Variants in KCNC2 observed in about 807,000 individuals in gnomAD.
KCNC2 encodes the protein voltage-gated potassium channel KCNC2.
Under a neutral mutation model 44.5 loss-of-function variants are expected in KCNC2, and 21 were observed. That is an observed-to-expected ratio of 0.47 (90% confidence interval 0.33 to 0.68). KCNC2 has a LOEUF of 0.68. Among genes scored for constraint, KCNC2 ranks in the 30% least tolerant of loss-of-function variants. KCNC2 has a pLI of 0.01. For missense variants in KCNC2, 589 were observed against 826.2 expected (o/e 0.71, Z 3.52); for synonymous variants, 391 against 339.1 (o/e 1.15, Z -1.68).
At chr12:75,152,554 G>A (rs1326958811) in intron 2 of KCNC2, among the ~76,000 whole-genome samples, 1 of 151,744 alleles carries the variant, frequency 6.6e-6, no homozygotes, top group Non-Finnish European at 1.5e-5. Flanking sequence ...ATCCTTCAAG[G>A]CAAAGAAAAA....
chr12:75,077,853 G>A (rs1306197484), intron 2 of KCNC2, among the ~76,000 whole-genome samples: 1 of 151,998 alleles, frequency 6.6e-6, no homozygotes, highest in Admixed American at 6.6e-5. Context: ...AAGAGGAAGA[G>A]AAAGTTTAGA....
intron 2 of KCNC2, among the ~76,000 whole-genome samples, chr12:75,123,212 TA>T (rs1888164883): frequency 6.6e-6 from 1 of 152,080 alleles, no homozygotes; most frequent in Non-Finnish European, 1.5e-5. Flanking sequence ...CATGAAAAAA[TA>T]ATTGTTTTCA....
chr12:75,199,989 C>CT (rs1470866453), intron 2 of KCNC2, among the ~76,000 whole-genome samples: 3 of 151,600 alleles, frequency 2.0e-5, no homozygotes, highest in Non-Finnish European at 4.4e-5. Flanking sequence ...ATTTTTAAGG[C>CT]TTTTTAGGAA....
intron 2 of KCNC2, among the ~76,000 whole-genome samples, chr12:75,140,742 T>C (rs1439857298): frequency 6.6e-6 from 1 of 152,086 alleles, no homozygotes; most frequent in Non-Finnish European, 1.5e-5. Flanking sequence ...TAGACTTCAG[T>C]GAATTAAAGA....
intron 2 of KCNC2, among the ~76,000 whole-genome samples, chr12:75,065,716 G>A (rs900911671): frequency 2.6e-5 from 4 of 152,174 alleles, no homozygotes; most frequent in Admixed American, 2.0e-4. Context: ...CTAGGTTTAT[G>A]TGAGTACACT....
intron 2 of KCNC2, among the ~76,000 whole-genome samples, chr12:75,102,767 T>C (rs1391870899): frequency 3.3e-5 from 5 of 152,024 alleles, no homozygotes; most frequent in Admixed American, 1.3e-4. Flanking sequence ...ATAGTGAGCT[T>C]TGAGTGGGCT....
intron 2 of KCNC2, among the ~76,000 whole-genome samples, chr12:75,075,768 T>A: frequency 6.6e-6 from 1 of 152,114 alleles, no homozygotes; most frequent in East Asian, 1.9e-4. Context: ...TCATGGTAGC[T>A]ACTCAATAAG....
chr12:75,160,496 G>T (rs960527303), intron 2 of KCNC2, among the ~76,000 whole-genome samples: 3 of 151,780 alleles, frequency 2.0e-5, no homozygotes, highest in Non-Finnish European at 2.9e-5. Context: ...CCAGGCCAGG[G>T]TTCAAACACA....
At chr12:75,086,660 C>CAAAAAAA (rs751242858) in intron 2 of KCNC2, among the ~76,000 whole-genome samples, 1 of 117,000 alleles carries the variant, frequency 8.5e-6, no homozygotes, top group African/African-American at 3.0e-5. Context: ...GTTCATTTGG[C>CAAAAAAA]AAAAAAAAAA....
At chr12:75,154,380 C>G (rs903985789) in intron 2 of KCNC2, among the ~76,000 whole-genome samples, 1 of 151,964 alleles carries the variant, frequency 6.6e-6, no homozygotes, top group Admixed American at 6.6e-5. Flanking sequence ...ATTTAGGAAA[C>G]CTTAGTTGAG....
intron 2 of KCNC2, among the ~76,000 whole-genome samples, chr12:75,196,208 A>G (rs2030748723): frequency 1.3e-5 from 2 of 152,154 alleles, no homozygotes; most frequent in Admixed American, 1.3e-4. Flanking sequence ...AAGGCTGGGA[A>G]TATGCCTTCA....
intron 2 of KCNC2, among the ~76,000 whole-genome samples, chr12:75,082,296 A>G (rs555564681): frequency 1.3e-5 from 2 of 152,048 alleles, no homozygotes; most frequent in African/African-American, 4.8e-5. Context: ...TAATAACAAT[A>G]AAGGTAATAA....
At chr12:75,043,294 G>A in intron 4 of KCNC2, 53 bp from the exon 5 acceptor site, 1 of 1,602,774 alleles carries the variant, frequency 6.2e-7, no homozygotes, top group Non-Finnish European at 8.5e-7. Context: ...AATATAGACA[G>A]ACAAATAATA....
intron 2 of KCNC2, among the ~76,000 whole-genome samples, chr12:75,098,431 C>T (rs960399825): frequency 1.1e-4 from 17 of 152,152 alleles, no homozygotes; most frequent in Non-Finnish European, 2.1e-4. Context: ...CCCTTTTCTC[C>T]GTGGAATTCT....
chr12:75,076,277 T>C (rs980727008), intron 2 of KCNC2, among the ~76,000 whole-genome samples: 27 of 151,948 alleles, frequency 1.8e-4, no homozygotes, highest in Admixed American at 1.4e-3. Context: ...TTTTATTTAA[T>C]TAATTAATTT....
At chr12:75,185,241 T>C (rs957287129) in intron 2 of KCNC2, among the ~76,000 whole-genome samples, 3 of 152,210 alleles carry the variant, frequency 2.0e-5, no homozygotes, top group Non-Finnish European at 4.4e-5. Context: ...TAACGCAGGC[T>C]ACTAAGGTTA....
At chr12:75,169,076 C>T (rs1223044747) in intron 2 of KCNC2, among the ~76,000 whole-genome samples, 1 of 151,492 alleles carries the variant, frequency 6.6e-6, no homozygotes, top group Non-Finnish European at 1.5e-5. Context: ...CATCTCTCCA[C>T]TAAGTAATTT....
rs183067555 is a variant in KCNC2, at chr12:75,127,681, T to A, written c.688-76364A>T. ...GGAGGCAGGTGAAAGAGACACAAAA[T>A]GTGTCATGGTTTTTACCTGTACAAA... On this transcript the variant is annotated intron_variant, in intron 2 of 4. Coordinates refer to ENST00000549446, the MANE Select transcript of KCNC2 (RefSeq NM_139137.4). 2.4e-3 allele frequency among the ~76,000 whole-genome samples: 367 copies of A among 152,224 alleles called. 3 individuals are homozygous for A. The highest frequency in any genetic ancestry group is 8.6e-3 in the African/African-American group (359 of 41,550).
At chr12:75,110,263 T>C (rs1281150928) in intron 2 of KCNC2, among the ~76,000 whole-genome samples, 2 of 152,156 alleles carry the variant, frequency 1.3e-5, no homozygotes, top group Non-Finnish European at 2.9e-5. Flanking sequence ...TATTCTGAAT[T>C]CCTTAAATGA....
Sources: allele counts gnomAD v4.1 joint callset (sites outside exome capture counted in the v4.1 genomes callset), GRCh38; gene constraint gnomAD v4.1.1; transcripts MANE v1.5; gene names NCBI Gene and HGNC (gene_info 2026-07-23, HGNC 2026-07-21).